Variants in TMEM117 observed in about 807,000 individuals in gnomAD.
TMEM117 encodes transmembrane protein 117.
A neutral mutation model predicts 52.4 loss-of-function variants in TMEM117; 27 were observed. That is an observed-to-expected ratio of 0.51 (90% confidence interval 0.38 to 0.71). The LOEUF (loss-of-function observed/expected upper bound fraction) is 0.71, where lower values mean the gene tolerates loss of function less well. TMEM117 is among the 30% of genes least tolerant of loss of function. The probability of loss-of-function intolerance (pLI) is 0.00; values close to 1 mark genes in which losing one functional copy is unlikely to be tolerated. For missense variants in TMEM117, 556 were observed against 630.5 expected (o/e 0.88, Z 1.26); for synonymous variants, 215 against 206.3 (o/e 1.04, Z -0.36).
At chr12:43,839,103 ATGTG>A (rs1943077720) in intron 1 of TMEM117, among the ~76,000 whole-genome samples, 1 of 152,122 alleles carries the variant, frequency 6.6e-6, no homozygotes, top group South Asian at 2.1e-4. Context: ...TTATTTTTGA[ATGTG>A]TCCAGAACCA....
intron 6 of TMEM117, among the ~76,000 whole-genome samples, chr12:44,344,254 T>C (rs1458202370): frequency 6.6e-6 from 1 of 152,084 alleles, no homozygotes; most frequent in Non-Finnish European, 1.5e-5. Context: ...TTTATATCCC[T>C]AGAGGAGAAG....
chr12:43,847,742 G>T (rs551891992), intron 2 of TMEM117, among the ~76,000 whole-genome samples: 3 of 152,164 alleles, frequency 2.0e-5, no homozygotes, highest in Non-Finnish European at 4.4e-5. Flanking sequence ...GAGAGTTCTA[G>T]TAAAAGCATT....
chr12:44,166,430 G>T (rs1025682911), intron 4 of TMEM117, among the ~76,000 whole-genome samples: 3 of 152,172 alleles, frequency 2.0e-5, no homozygotes, highest in East Asian at 3.8e-4. Context: ...AATAGGTTTT[G>T]TGAAAGAAAT....
chr12:44,376,318 T>G (rs1951940131), intron 6 of TMEM117: 1 of 416,916 alleles, frequency 2.4e-6, no homozygotes, highest in Non-Finnish European at 4.4e-6. Context: ...ATGAAAGAGA[T>G]AAACATGTGT....
the TMEM117 span, among the ~76,000 whole-genome samples, chr12:43,830,945 G>A: frequency 6.6e-6 from 1 of 152,276 alleles, no homozygotes; most frequent in African/African-American, 2.4e-5. Flanking sequence ...GGATTTCAGA[G>A]CACGGGTTCT....
chr12:44,119,664 G>A, intron 3 of TMEM117, among the ~76,000 whole-genome samples: 1 of 152,120 alleles, frequency 6.6e-6, no homozygotes, highest in East Asian at 1.9e-4. Flanking sequence ...TGACTACCTG[G>A]GGCTGTGTGT....
chr12:43,933,492 T>G (rs2137586194), intron 2 of TMEM117, among the ~76,000 whole-genome samples: 1 of 150,758 alleles, frequency 6.6e-6, no homozygotes, highest in East Asian at 2.0e-4. Flanking sequence ...TGAGCCACTG[T>G]GCCAGCCCAG....
intron 7 of TMEM117, among the ~76,000 whole-genome samples, chr12:44,384,427 C>G (rs544391769): frequency 2.0e-5 from 3 of 152,212 alleles, no homozygotes; most frequent in African/African-American, 7.2e-5. Flanking sequence ...TCCCCACCCC[C>G]ACATGGCCTC....
At chr12:43,812,663 T>C in the TMEM117 span, among the ~76,000 whole-genome samples, 2 of 152,104 alleles carry the variant, frequency 1.3e-5, no homozygotes, top group African/African-American at 4.8e-5. Context: ...TTTTGATCAA[T>C]CTTATTAAGC....
At chr12:44,248,116 G>A (rs995535636) in intron 5 of TMEM117, among the ~76,000 whole-genome samples, 77 of 152,062 alleles carry the variant, frequency 5.1e-4, no homozygotes, top group African/African-American at 1.8e-3. Context: ...ACAGGGTTTG[G>A]GATGGGTGGA....
At chr12:44,065,927 C>A (rs1459682199) in intron 3 of TMEM117, among the ~76,000 whole-genome samples, 2 of 152,062 alleles carry the variant, frequency 1.3e-5, no homozygotes, top group Non-Finnish European at 1.5e-5. Context: ...AAGAGAAAAA[C>A]CTTAGTTTAA....
At chr12:43,954,360 A>G (rs1945273449) in intron 3 of TMEM117, among the ~76,000 whole-genome samples, 1 of 152,130 alleles carries the variant, frequency 6.6e-6, no homozygotes, top group East Asian at 1.9e-4. Flanking sequence ...CAATGAATCC[A>G]GGAGCTGGTT....
At chr12:44,376,852 AGTG>A in intron 7 of TMEM117, 128 bp downstream of exon 7, 1 of 1,028,812 alleles carries the variant, frequency 9.7e-7, no homozygotes, top group Non-Finnish European at 1.3e-6. Flanking sequence ...TTCACTTAAC[AGTG>A]CAAGGTGGTT....
rs1952116710 is a variant in TMEM117 at position 44,388,149 on chromosome 12, A to G, written c.1022A>G (p.Tyr341Cys). 6.2e-7 allele frequency: 1 copy of G among 1,613,204 alleles called. No individual in the cohort carries two copies. The highest frequency in any genetic ancestry group is 1.7e-5 in the Admixed American group (1 of 59,856). ...GQYIGPGQKI[Y>C]TVKDSESLKD... Reference sequence around the variant, plus strand: ...TATATCGGCCCGGGGCAGAAGATATATACAGTGAAAGACTCAGAAAGTTTA... The same window carrying G: ...TATATCGGCCCGGGGCAGAAGATATGTACAGTGAAAGACTCAGAAAGTTTA... The change falls in exon 8 of 8, where the codon TAT (tyrosine) becomes TGT (cysteine). Residue 341 changes from tyrosine to cysteine, a missense_variant. This residue lies in a region of TMEM117 where 206 missense variants were observed against 211.1 expected (regional missense o/e 0.98). Coordinates refer to ENST00000266534, the MANE Select transcript of TMEM117 (RefSeq NM_032256.3).
rs557586502 is a variant in TMEM117, at chr12:44,203,259, C to T, written c.511-8031C>T. On this transcript the variant is annotated intron_variant, in intron 4 of 7. Coordinates refer to ENST00000266534, the MANE Select transcript of TMEM117 (RefSeq NM_032256.3). The stretch of plus-strand genomic sequence containing the variant: ...TAATTTTTATCCATAGAAATGCTTA[C>T]AGCAGTCTGTGAGGTTCTTCTGTAT... Among the ~76,000 whole-genome samples, 3 of 152,288 alleles carry T rather than the reference C, an allele frequency of 2.0e-5. No homozygotes were observed. In the East Asian group the frequency reaches 5.8e-4, roughly 29 times the overall value.
chr12:44,309,169 A>G (rs753452376), intron 6 of TMEM117, among the ~76,000 whole-genome samples: 1 of 152,210 alleles, frequency 6.6e-6, no homozygotes, highest in Non-Finnish European at 1.5e-5. Flanking sequence ...AAGTCATGAA[A>G]TTTTAGAGCA....
chr12:43,886,973 G>C (rs1944006450), intron 2 of TMEM117, among the ~76,000 whole-genome samples: 1 of 152,104 alleles, frequency 6.6e-6, no homozygotes, highest in Non-Finnish European at 1.5e-5. Flanking sequence ...TCAGCCTCTG[G>C]AGTAGCTGGG....
rs539249036 is a variant in TMEM117 at position 43,867,531 on chromosome 12, A to G, written c.277+22603A>G. ...TAAACATTCCAATTACAAGGCAGAG[A>G]TTGTCAGACTGAATTTAAAAAGTTT... On this transcript the variant is annotated intron_variant, in intron 2 of 7. Transcript: ENST00000266534. Among the ~76,000 whole-genome samples the G allele has an allele frequency of 3.4e-4, 52 of 152,340 alleles. No individual in the cohort carries two copies. In the South Asian group the frequency reaches 0.01, roughly 30 times the overall value.
chr12:44,149,824 C>T (rs1314707537), intron 4 of TMEM117, among the ~76,000 whole-genome samples: 1 of 152,090 alleles, frequency 6.6e-6, no homozygotes, highest in Non-Finnish European at 1.5e-5. Flanking sequence ...GAATAAGAAG[C>T]ATAATTGAAT....
Sources: gnomAD v4.1 joint callset for allele counts (sites outside exome capture counted in the v4.1 genomes callset) on GRCh38, gnomAD v4.1.1 for gene constraint, gnomAD v4.1.1 regional missense constraint, MANE v1.5 for transcripts, NCBI Gene and HGNC (gene_info 2026-07-23, HGNC 2026-07-21) for gene names.